Variants in CNTNAP5 observed in about 807,000 individuals in gnomAD.
CNTNAP5 encodes the protein contactin associated protein family member 5.
CNTNAP5 carries 72 observed loss-of-function variants against 150.2 expected under a neutral mutation model. That is an observed-to-expected ratio of 0.48 (90% CI 0.40 to 0.58). The LOEUF (loss-of-function observed/expected upper bound fraction) is 0.58. CNTNAP5 is among the 20% of genes least tolerant of loss of function. CNTNAP5 has a pLI of 0.00. For synonymous variants in CNTNAP5, 672 were observed against 619.8 expected (o/e 1.08, Z -1.25); for missense variants, 1,636 against 1,626.2 (o/e 1.01, Z -0.10).
intron 7 of CNTNAP5, among the ~76,000 whole-genome samples, chr2:124,488,929 A>G (rs1044620021): frequency 7.2e-5 from 11 of 152,142 alleles, no homozygotes; most frequent in African/African-American, 2.4e-4. Context: ...GTCTCCCTCC[A>G]CTAAATGTTT....
chr2:124,657,574 G>T (rs561978525), intron 13 of CNTNAP5, among the ~76,000 whole-genome samples: 6 of 152,084 alleles, frequency 3.9e-5, no homozygotes, highest in Non-Finnish European at 8.8e-5. Flanking sequence ...ATCCCAGCCT[G>T]CAGCCAGAGT....
intron 19 of CNTNAP5, among the ~76,000 whole-genome samples, chr2:124,826,184 G>C (rs1349240032): frequency 1.3e-5 from 2 of 152,096 alleles, no homozygotes; most frequent in East Asian, 3.9e-4. Context: ...AAGTACCTTA[G>C]TTTAAGAAAC....
intron 11 of CNTNAP5, among the ~76,000 whole-genome samples, chr2:124,599,340 G>A (rs1483242327): frequency 6.6e-6 from 1 of 151,880 alleles, no homozygotes; most frequent in Non-Finnish European, 1.5e-5. Context: ...AATATCTATA[G>A]TTGTGAATTA....
chr2:124,194,673 T>G (rs1435889065), intron 1 of CNTNAP5, among the ~76,000 whole-genome samples: 1 of 150,460 alleles, frequency 6.6e-6, no homozygotes, highest in Non-Finnish European at 1.5e-5. Flanking sequence ...ATTATAACAA[T>G]GAAATAATAA....
At chr2:124,520,293 C>T (rs886071636) in intron 8 of CNTNAP5, among the ~76,000 whole-genome samples, 8 of 152,188 alleles carry the variant, frequency 5.3e-5, no homozygotes, top group Admixed American at 5.2e-4. Context: ...TGAATTTTTG[C>T]TATTGTAAAT....
intron 13 of CNTNAP5, among the ~76,000 whole-genome samples, chr2:124,648,368 G>A (rs976508418): frequency 2.6e-5 from 4 of 152,176 alleles, no homozygotes; most frequent in East Asian, 1.9e-4. Flanking sequence ...CACCCGAGAG[G>A]GATGAGTTAT....
chr2:124,266,441 G>C (rs1687609395), intron 3 of CNTNAP5, among the ~76,000 whole-genome samples: 1 of 152,114 alleles, frequency 6.6e-6, no homozygotes, highest in Non-Finnish European at 1.5e-5. Context: ...CTCTGGGAGA[G>C]AGCTAAATTT....
intron 13 of CNTNAP5, among the ~76,000 whole-genome samples, chr2:124,745,855 C>G (rs1285860760): frequency 1.3e-5 from 2 of 152,184 alleles, no homozygotes; most frequent in African/African-American, 4.8e-5. Flanking sequence ...TCATGACCTT[C>G]AGATTAATGA....
At chr2:124,410,065 G>A (rs1404299676) in intron 3 of CNTNAP5, among the ~76,000 whole-genome samples, 2 of 152,022 alleles carry the variant, frequency 1.3e-5, no homozygotes, top group Non-Finnish European at 2.9e-5. Flanking sequence ...AACAAAAAAA[G>A]GCAGGGGTTG....
chr2:124,585,872 G>C (rs1234269867), intron 11 of CNTNAP5, among the ~76,000 whole-genome samples: 3 of 151,908 alleles, frequency 2.0e-5, no homozygotes, highest in Non-Finnish European at 4.4e-5. Flanking sequence ...AACCTCCTTG[G>C]CTAAAACACT....
chr2:124,549,545 A>G lies in CNTNAP5; in HGVS notation c.1650-13672A>G, dbSNP rs373314147. 2.0e-5 allele frequency among the ~76,000 whole-genome samples: 3 copies of G among 152,310 alleles called. No individual in the cohort carries two copies. In the East Asian group the frequency reaches 5.8e-4, roughly 29 times the overall value. On this transcript the variant is annotated intron_variant, in intron 10 of 23. Coordinates refer to ENST00000682447, the MANE Select transcript of CNTNAP5 (RefSeq NM_001367498.1). ...GAGGAGTGTCAAAATTTGCAGTCAT[A>G]CATTAGCCTCAGTATTCATTTTGTT...
At chr2:124,060,409 C>T (rs17211765) in intron 1 of CNTNAP5, among the ~76,000 whole-genome samples, 13,696 of 152,268 alleles carry the variant, frequency 0.09, 677 homozygotes, top group Non-Finnish European at 0.12. Flanking sequence ...TATTCAGATG[C>T]TCATGGGCAG....
intron 5 of CNTNAP5, among the ~76,000 whole-genome samples, chr2:124,438,307 C>T (rs1692585791): frequency 6.6e-6 from 1 of 152,054 alleles, no homozygotes; most frequent in Non-Finnish European, 1.5e-5. Flanking sequence ...TTCAAATTGC[C>T]CATGGCAGTC....
chr2:124,550,744 A>C (rs539736670), intron 10 of CNTNAP5, among the ~76,000 whole-genome samples: 1 of 152,256 alleles, frequency 6.6e-6, no homozygotes, highest in African/African-American at 2.4e-5. Context: ...GGGTTGATTA[A>C]AGAAATTTAA....
chr2:124,914,069 C>CT, intron 23 of CNTNAP5, 23 bp from the exon 24 acceptor site: 1 of 1,583,484 alleles, frequency 6.3e-7, no homozygotes, highest in East Asian at 2.2e-5. Flanking sequence ...TTCCTTCTCT[C>CT]TTTCCTTCCC....
At chr2:124,475,977 G>A (rs936482450) in intron 7 of CNTNAP5, among the ~76,000 whole-genome samples, 1 of 151,690 alleles carries the variant, frequency 6.6e-6, no homozygotes, top group African/African-American at 2.4e-5. Context: ...TGTGTTTCCT[G>A]GATAGTTTTT....
intron 1 of CNTNAP5, among the ~76,000 whole-genome samples, chr2:124,042,617 A>G (rs1269461222): frequency 6.6e-6 from 1 of 152,134 alleles, no homozygotes; most frequent in Non-Finnish European, 1.5e-5. Context: ...AGCATTTTTA[A>G]GGTTGGTTTA....
chr2:124,292,259 C>T (rs1005598713), intron 3 of CNTNAP5, among the ~76,000 whole-genome samples: 1 of 152,026 alleles, frequency 6.6e-6, no homozygotes, highest in African/African-American at 2.4e-5. Context: ...AAATCTCTTT[C>T]AAAGAGATTT....
At chr2:124,073,440 A>AACTATTTGCAAACTACCCATCTG (rs1682361091) in intron 1 of CNTNAP5, among the ~76,000 whole-genome samples, 1 of 152,174 alleles carries the variant, frequency 6.6e-6, no homozygotes, top group South Asian at 2.1e-4. Flanking sequence ...AAAGTGTGAC[A>AACTATTTGCAAACTACCCATCTG]ACATATTTGC....
Sources: allele counts gnomAD v4.1 joint callset (sites outside exome capture counted in the v4.1 genomes callset), GRCh38; gene constraint gnomAD v4.1.1; transcripts MANE v1.5; gene names NCBI Gene and HGNC (gene_info 2026-07-23, HGNC 2026-07-21).